The following HEATR5A variants were observed in gnomAD, a reference collection of about 807,000 sequenced individuals.
The protein encoded by HEATR5A is HEAT repeat containing 5A.
In HEATR5A, 178 loss-of-function variants were observed where a neutral mutation model predicts 218.8. The ratio of observed to expected loss-of-function variants is 0.81; its 90% CI spans 0.72 to 0.92. HEATR5A has a LOEUF of 0.92. HEATR5A is among the 40% of genes least tolerant of loss of function. The pLI, the probability that HEATR5A is intolerant of heterozygous loss-of-function variation, is 0.00. For missense variants in HEATR5A, 2,420 were observed against 2,418.9 expected (o/e 1.00, Z -0.01); for synonymous variants, 864 against 871.6 (o/e 0.99, Z 0.15).
In HEATR5A at chr14:31,326,235, G is replaced by A. The variant is rs373889706; in HGVS notation, c.3475C>T (p.Leu1159Phe). ...HDIKETLNYM[L>F]TSMAVEKLSL... ...AGTTTTTCCACTGCCATAGATGTAAGCATATAATTTAAAGTCTCTTTGATA... is the reference window on the plus strand; with the variant it reads ...AGTTTTTCCACTGCCATAGATGTAAACATATAATTTAAAGTCTCTTTGATA... The change falls in exon 23 of 36, where the codon CTT becomes TTT. Residue 1159 changes from leucine (L) to phenylalanine (F), a missense_variant. Physicochemically the swap from Leu to Phe is conservative, Grantham distance 22. Coordinates refer to ENST00000543095, the MANE Select transcript of HEATR5A (RefSeq NM_015473.4). 4.3e-6 allele frequency: 7 copies of A among 1,612,738 alleles called. No homozygotes were observed. The African/African-American group carries it at 9.3e-5, about 22-fold the overall frequency.
chr14:31,395,386 TA>T, intron 4 of HEATR5A, 38 bp from the exon 5 acceptor site: 1 of 1,195,452 alleles, frequency 8.4e-7, no homozygotes. Flanking sequence ...GAAAAATAAT[TA>T]AACTGCAAAG....
At chr14:31,350,215 G>T (rs1258529943) in intron 17 of HEATR5A, among the ~76,000 whole-genome samples, 1 of 152,044 alleles carries the variant, frequency 6.6e-6, no homozygotes, top group African/African-American at 2.4e-5. Flanking sequence ...TTATCATTAA[G>T]GTATAAATGG....
intron 16 of HEATR5A, among the ~76,000 whole-genome samples, chr14:31,352,788 T>A (rs1214566342): frequency 6.6e-6 from 1 of 151,958 alleles, no homozygotes; most frequent in African/African-American, 2.4e-5. Context: ...TGAAACTCCA[T>A]CTCTATTAAA....
At chr14:31,307,759 G>C (rs1899601694) in intron 30 of HEATR5A, 134 bp downstream of exon 30, 13 of 886,368 alleles carry the variant, frequency 1.5e-5, no homozygotes, top group Non-Finnish European at 2.2e-5. Context: ...TGGTTCCAAG[G>C]CCTAGCTGTG....
intron 28 of HEATR5A, among the ~76,000 whole-genome samples, chr14:31,311,063 AACCAAC>A (rs1235923238): frequency 4.0e-5 from 6 of 151,552 alleles, no homozygotes; most frequent in Non-Finnish European, 7.4e-5. Context: ...CCAACCAACC[AACCAAC>A]CAACCAAATA....
At chr14:31,302,619 T>A in intron 32 of HEATR5A, 100 bp from the exon 33 acceptor site, 1 of 767,070 alleles carries the variant, frequency 1.3e-6, no homozygotes, top group Non-Finnish European at 2.1e-6. Flanking sequence ...GATTTTCAGT[T>A]TTTAAAAGAT....
At chr14:31,369,339 G>A (rs1901930740) in intron 13 of HEATR5A, among the ~76,000 whole-genome samples, 1 of 151,370 alleles carries the variant, frequency 6.6e-6, no homozygotes, top group African/African-American at 2.4e-5. Flanking sequence ...AAGGCTGAGC[G>A]TGATGGCTCA....
In HEATR5A at chr14:31,402,669, C is replaced by T. The variant is rs10483352; in HGVS notation, c.126+181G>A. ...TTCCTGCTTTTCTGAATAGCGAAAA[C>T]TTCTTCTAATAATAAAAATTCTGAT... is the stretch of plus-strand genomic sequence containing the variant. On this transcript the variant is annotated intron_variant, in intron 2 of 35. Transcript: ENST00000543095. Among the ~76,000 whole-genome samples the T allele has an allele frequency of 5.5e-3, 842 of 152,244 alleles. 5 individuals carry two copies. Among genetic ancestry groups the T allele is most frequent in the African/African-American group, 0.019 (777 of 41,552 alleles).
chr14:31,337,557 G>T lies in HEATR5A; in HGVS notation c.3286C>A (p.Gln1096Lys), dbSNP rs1305683890. 10 of 1,588,856 alleles carry T rather than the reference G, an allele frequency of 6.3e-6. No homozygotes were observed. Among genetic ancestry groups the T allele is most frequent in the Admixed American group, 1.8e-5 (1 of 55,796 alleles). ...LRRAVLACLR[Q>K]LVQREAAEVS... ...TCAGCTGCTTCTCTTTGTACAAGCT[G>T]ACGTAAGCAAGCCAGTACTGCTCTT... The change falls in exon 22 of 36, where the codon CAG (glutamine) becomes AAG (lysine). Residue 1096 changes from glutamine (Q) to lysine (K), a missense_variant. By Grantham distance (53) the Gln-to-Lys change is moderately conservative (BLOSUM62 1). Transcript: ENST00000543095.
At position 31,347,736 on chromosome 14, in the gene HEATR5A, T is replaced by C. The variant is rs756151310; in HGVS notation, c.2868+12A>G. On this transcript the variant is annotated intron_variant, in intron 19 of 35. Transcript: ENST00000543095. ...CATGAATTTCAAGGGAAGTATCACA[T>C]GAGGTACCCACCTGCACATCAGGAG... 2 of 1,557,502 alleles carry C rather than the reference T, an allele frequency of 1.3e-6. No homozygotes were observed. The highest frequency in any genetic ancestry group is 2.5e-5 in the South Asian group (2 of 79,462).
At chr14:31,356,289 T>G (rs1194746227) in intron 16 of HEATR5A, among the ~76,000 whole-genome samples, 6 of 152,138 alleles carry the variant, frequency 3.9e-5, no homozygotes, top group African/African-American at 1.4e-4. Context: ...AAGGCTGGAG[T>G]GCAGTGGCGA....
chr14:31,416,134 T>C (rs1395712781), intron 1 of HEATR5A, among the ~76,000 whole-genome samples: 1 of 152,156 alleles, frequency 6.6e-6, no homozygotes, highest in Non-Finnish European at 1.5e-5. Context: ...TTTTTGTTTT[T>C]TGAGATGGAG....
chr14:31,299,105 C>T (rs1404042215), intron 33 of HEATR5A, among the ~76,000 whole-genome samples: 1 of 152,154 alleles, frequency 6.6e-6, no homozygotes, highest in Non-Finnish European at 1.5e-5. Flanking sequence ...TTTCAATTGT[C>T]CCATAGGTTA....
chr14:31,335,719 T>C (rs945122654), intron 22 of HEATR5A, among the ~76,000 whole-genome samples: 8 of 152,160 alleles, frequency 5.3e-5, no homozygotes, highest in African/African-American at 1.9e-4. Context: ...AGTGGTGCAA[T>C]TTCGGCCCAC....
rs751488994 is a variant in HEATR5A at position 31,388,845 on chromosome 14, C to A, written c.933G>T (p.Gln311His). 1.2e-6 allele frequency: 2 copies of A among 1,613,142 alleles called. No homozygotes were observed. Among genetic ancestry groups the A allele is most frequent in the Admixed American group, 1.7e-5 (1 of 59,936 alleles). ...TGAGATACTGATTTGTGATTCCAAC[C>A]TGAGTAACTCCAACTCGAACATCCC... ...VSRDVRVGVTQAYVVFVSTLG... is the reference protein window; with the variant it reads ...VSRDVRVGVTHAYVVFVSTLG... Residue 311 changes from glutamine to histidine, a missense_variant and splice_region_variant, in exon 7 of 36, where the codon CAG becomes CAT. Transcript: ENST00000543095.
rs116735504 is a variant in HEATR5A, at chr14:31,293,610, C to T, written c.5836G>A (p.Ala1946Thr). ...GGCAAAAGACAGGCCACCAGCTGAG[C>T]GCCTAGAAAGTAAACAAATAATATA... ...LVTVAEEHHRAQLVACLLPIL... is the reference protein window; with the variant it reads ...LVTVAEEHHRTQLVACLLPIL... The change falls in exon 36 of 36, where the codon GCT becomes ACT. Residue 1946 changes from alanine to threonine, a missense_variant and splice_region_variant. By Grantham distance (58) the Ala-to-Thr change is moderately conservative. Transcript: ENST00000543095. 2,158 of 1,599,598 alleles carry T rather than the reference C, an allele frequency of 1.3e-3. 18 individuals are homozygous for T. The African/African-American group carries it at 0.026, about 19-fold the overall frequency.
In HEATR5A at chr14:31,344,268, C is replaced by CTTTTTTTTTTTTT. The variant is rs577497140; in HGVS notation, c.3059-216_3059-204dup. ...GTTACAGATTGTTAGATTAGTTATT[C>CTTTTTTTTTTTTT]TTTTTTTTTTTTTTTTTTTTTTTTT... On this transcript the variant is annotated intron_variant, in intron 20 of 35. Coordinates refer to ENST00000543095, the MANE Select transcript of HEATR5A (RefSeq NM_015473.4). Among the ~76,000 whole-genome samples the CTTTTTTTTTTTTT allele has an allele frequency of 3.3e-3, 168 of 50,828 alleles. 44 individuals are homozygous for CTTTTTTTTTTTTT. The highest frequency in any genetic ancestry group is 4.6e-3 in the Non-Finnish European group (126 of 27,198). 33.3% of individuals were successfully genotyped at this position (50,828 alleles called of 152,430 possible). A position where few individuals can be genotyped will look rare whatever the true frequency, so the allele number is the denominator to read the frequency against.
intron 13 of HEATR5A, among the ~76,000 whole-genome samples, chr14:31,365,952 A>G (rs748195655): frequency 6.6e-6 from 1 of 152,324 alleles, no homozygotes; most frequent in Non-Finnish European, 1.5e-5. Flanking sequence ...GGCATGAGCC[A>G]CCATGCCTGG....
chr14:31,414,341 T>C (rs1399247893), intron 1 of HEATR5A, among the ~76,000 whole-genome samples: 1 of 152,214 alleles, frequency 6.6e-6, no homozygotes, highest in Non-Finnish European at 1.5e-5. Flanking sequence ...TGGATTTTAC[T>C]GACATAAATC....
Sources: gnomAD v4.1 joint callset for allele counts (sites outside exome capture counted in the v4.1 genomes callset) on GRCh38, gnomAD v4.1.1 for gene constraint, MANE v1.5 for transcripts, NCBI Gene and HGNC (gene_info 2026-07-23, HGNC 2026-07-21) for gene names.